Variants in CLCNKB observed in about 807,000 individuals in gnomAD.
CLCNKB encodes the protein chloride channel protein ClC-Kb.
In CLCNKB, 74 loss-of-function variants were observed where a neutral mutation model predicts 83.8. The observed-to-expected ratio is 0.88, with a 90% CI of 0.73 to 1.07. CLCNKB has a LOEUF of 1.07. CLCNKB is among the 50% of genes least tolerant of loss of function. CLCNKB has a pLI of 0.00. For synonymous variants in CLCNKB, 358 were observed against 356.6 expected, an observed-to-expected ratio of 1.00 and a Z score of -0.04; for missense variants, 798 against 893.6, an observed-to-expected ratio of 0.89 and a Z score of 1.36.
intron 19 of CLCNKB, 78 bp from the exon 20 acceptor site, chr1:16,056,791 G>A: frequency 9.0e-7 from 1 of 1,106,964 alleles, no homozygotes; most frequent in Middle Eastern, 2.0e-4. Context: ...CCACCCTTAG[G>A]GGAACCAAAA....
intron 18 of CLCNKB, 110 bp downstream of exon 18, chr1:16,055,868 T>A: frequency 1.1e-6 from 1 of 951,070 alleles, no homozygotes. Context: ...GCCCGTCTTA[T>A]GCTGCTTCCT....
intron 18 of CLCNKB, among the ~76,000 whole-genome samples, chr1:16,056,151 G>A (rs2023430449): frequency 6.6e-6 from 1 of 152,226 alleles, no homozygotes; most frequent in Non-Finnish European, 1.5e-5. Flanking sequence ...GAGGGGCAGA[G>A]GCTGACAGGG....
intron 10 of CLCNKB, 35 bp from the exon 11 acceptor site, chr1:16,050,481 G>A (rs764723252): frequency 1.4e-5 from 22 of 1,607,060 alleles, no homozygotes; most frequent in Middle Eastern, 1.6e-4. Flanking sequence ...GTGGGAAAGG[G>A]AGGGCCAGCC....
intron 7 of CLCNKB, 62 bp from the exon 8 acceptor site, chr1:16,049,058 G>A: frequency 6.2e-7 from 1 of 1,613,184 alleles, no homozygotes; most frequent in African/African-American, 1.3e-5. Context: ...CATGGGGAGG[G>A]GGTCCTACAG....
chr1:16,057,282 C>T lies in CLCNKB; in HGVS notation c.*366C>T, dbSNP rs1421635428. ...TTGTCTGGTTCCCAGTGAGAGGCTC[C>T]TGAGAAAAATAAAGCTGGTTCCCAG... On this transcript the variant is annotated 3_prime_UTR_variant, in exon 20 of 20. Transcript: ENST00000375679. 2 of 610,286 alleles carry T rather than the reference C, an allele frequency of 3.3e-6. No homozygotes were observed. The highest frequency in any genetic ancestry group is 1.5e-5 in the South Asian group (1 of 65,606). 37.8% of individuals were successfully genotyped at this position (610,286 alleles called of 1,614,324 possible). A position where few individuals can be genotyped will look rare whatever the true frequency, so the allele number is the denominator to read the frequency against.
chr1:16,056,381 CACCTTCT>C (rs746580799), intron 18 of CLCNKB, 34 bp from the exon 19 acceptor site: 37 of 1,597,174 alleles, frequency 2.3e-5, no homozygotes, highest in Non-Finnish European at 3.2e-5. Flanking sequence ...GTGGGCTGGG[CACCTTCT>C]ACCCTCCAGT....
chr1:16,045,782 G>C lies in CLCNKB; in HGVS notation c.229+96G>C, dbSNP rs561132266. 134 of 1,285,500 alleles carry C rather than the reference G, an allele frequency of 1.0e-4. 4 individuals carry two copies. The highest frequency in any genetic ancestry group is 6.5e-4 in the South Asian group (52 of 80,196). The allele number at this position is 1,285,500 out of a possible 1,614,324, so 79.6% of individuals were successfully genotyped here. On this transcript the variant is annotated intron_variant, in intron 3 of 19. Coordinates refer to ENST00000375679, the MANE Select transcript of CLCNKB (RefSeq NM_000085.5). ...TGTCGCCAGGTGCAGCGGAGGTTGGGGGGGGTGCTCTGGGTGGGGATCTGG... is the reference window on the plus strand; with the variant it reads ...TGTCGCCAGGTGCAGCGGAGGTTGGCGGGGGTGCTCTGGGTGGGGATCTGG...
intron 4 of CLCNKB, among the ~76,000 whole-genome samples, chr1:16,047,268 C>A: frequency 6.6e-6 from 1 of 151,990 alleles, no homozygotes; most frequent in Non-Finnish European, 1.5e-5. Context: ...CACAGGGAGA[C>A]CCTGTCTCTA....
chr1:16,050,434 C>T, intron 10 of CLCNKB, 82 bp from the exon 11 acceptor site: 2 of 1,469,726 alleles, frequency 1.4e-6, no homozygotes, highest in Non-Finnish European at 9.5e-7. Flanking sequence ...CTCCCCAGTC[C>T]TTGCCTTGCT....
intron 3 of CLCNKB, 107 bp downstream of exon 3, chr1:16,045,793 T>C: frequency 4.1e-6 from 2 of 482,006 alleles, no homozygotes; most frequent in Non-Finnish European, 8.2e-6. Context: ...GGGGGTGCTC[T>C]GGGTGGGGAT....
At chr1:16,044,322 A>T (rs1351871424) in intron 1 of CLCNKB, among the ~76,000 whole-genome samples, 164 bp from the exon 2 acceptor site, 1 of 150,346 alleles carries the variant, frequency 6.7e-6, no homozygotes, top group Non-Finnish European at 1.5e-5. Context: ...CTCAGGGATG[A>T]AGGCACACAC....
chr1:16,048,077 C>T (rs1350958140), intron 5 of CLCNKB, 33 bp downstream of exon 5: 1 of 1,602,380 alleles, frequency 6.2e-7, no homozygotes, highest in East Asian at 2.2e-5. Flanking sequence ...CCCAACCACC[C>T]TACCCACCCC....
Position 16,049,600 on chromosome 1 carries a change from A to G in CLCNKB, c.782-18A>G, listed in dbSNP as rs201540366. 1,520 of 1,579,296 alleles carry G rather than the reference A, an allele frequency of 9.6e-4. 21 individuals are homozygous for G. The African/African-American group carries it at 0.017, about 18-fold the overall frequency. ...GGTGGGAGCGCCATCTTGGCTCCCC[A>G]CTGCCCTCCTTCCCCAGAGACCATC... is the stretch of plus-strand genomic sequence containing the variant. On this transcript the variant is annotated intron_variant, in intron 8 of 19. Transcript: ENST00000375679.
Position 16,048,599 on chromosome 1 carries a change from C to T in CLCNKB, c.655+17C>T, listed in dbSNP as rs1298071405. ...CCTTCAGCGGTGAGACCCCTTCATG[C>T]CCCGCCCCCTGGGTCCCTCAAGCTC... On this transcript the variant is annotated intron_variant, in intron 7 of 19. Coordinates refer to ENST00000375679, the MANE Select transcript of CLCNKB (RefSeq NM_000085.5). The T allele has an allele frequency of 3.1e-6, 5 of 1,612,678 alleles. No homozygotes were observed. The highest frequency in any genetic ancestry group is 4.2e-6 in the Non-Finnish European group (5 of 1,179,358).
chr1:16,055,862 G>A (rs544085139), intron 18 of CLCNKB, 104 bp downstream of exon 18: 19 of 1,005,650 alleles, frequency 1.9e-5, no homozygotes, highest in African/African-American at 1.8e-4. Flanking sequence ...CGCCCTGCCC[G>A]TCTTATGCTG....
chr1:16,056,952 GACCTGGT>G lies in CLCNKB; in HGVS notation c.*39_*45del, dbSNP rs2023467216. Reference sequence around the variant, plus strand: ...CAAGATGAAACAGGGCACCCCAGCTGACCTGGTACTGAGGTTGGGCTGAGACCCTGCT... The same window carrying G: ...CAAGATGAAACAGGGCACCCCAGCTGACTGAGGTTGGGCTGAGACCCTGCT... On this transcript the variant is annotated 3_prime_UTR_variant, in exon 20 of 20. Transcript: ENST00000375679. 6.2e-7 allele frequency: 1 copy of G among 1,606,184 alleles called. No homozygotes were observed. Among genetic ancestry groups the G allele is most frequent in the African/African-American group, 1.3e-5 (1 of 74,606 alleles).
chr1:16,048,742 G>T, intron 7 of CLCNKB, 160 bp downstream of exon 7: 1 of 1,478,004 alleles, frequency 6.8e-7, no homozygotes, highest in Non-Finnish European at 9.0e-7. Flanking sequence ...CCACCGGGGG[G>T]AGGGGGGGCG....
rs748649125 is a variant in CLCNKB at position 16,049,903 on chromosome 1, C to A, written c.955C>A (p.Leu319Met). The change falls in exon 10 of 20, where the codon CTG (leucine) becomes ATG (methionine). Residue 319 changes from leucine to methionine, a missense_variant. Leu to Met is a conservative substitution (Grantham distance 15, BLOSUM62 2). Coordinates refer to ENST00000375679, the MANE Select transcript of CLCNKB (RefSeq NM_000085.5). The part of the protein sequence containing the change: ...FIRNNRFSSK[L>M]LATSKPVYSA... ...CAGGAACAATAGGTTCAGCTCCAAACTGCTGGCCACCAGGTAGGCTCCGGG... is the reference window on the plus strand; with the variant it reads ...CAGGAACAATAGGTTCAGCTCCAAAATGCTGGCCACCAGGTAGGCTCCGGG... 9 of 1,613,532 alleles carry A rather than the reference C, an allele frequency of 5.6e-6. No homozygotes were observed. In the South Asian group the frequency reaches 9.9e-5, roughly 18 times the overall value.
At chr1:16,045,322 C>T (rs986708712) in intron 2 of CLCNKB, among the ~76,000 whole-genome samples, 6 of 152,192 alleles carry the variant, frequency 3.9e-5, no homozygotes, top group African/African-American at 9.7e-5. Context: ...GGCAGGTCAA[C>T]GGCTTTCTGG....
Sources: gnomAD v4.1 joint callset for allele counts (sites outside exome capture counted in the v4.1 genomes callset) on GRCh38, gnomAD v4.1.1 for gene constraint, MANE v1.5 for transcripts, NCBI Gene and HGNC (gene_info 2026-07-23, HGNC 2026-07-21) for gene names.